Variants in RAB39A observed in about 807,000 individuals in gnomAD.
The protein encoded by RAB39A is ras-related protein Rab-39A.
RAB39A carries 17 observed loss-of-function variants against 20.9 expected under a neutral mutation model. The ratio of observed to expected loss-of-function variants is 0.81; its 90% CI spans 0.56 to 1.22. The LOEUF is 1.22. RAB39A is among the 50% of genes most tolerant of loss of function. RAB39A has a pLI of 0.00. For synonymous variants in RAB39A, 99 were observed against 103.4 expected, an observed-to-expected ratio of 0.96 and a Z score of 0.26; for missense variants, 234 against 270.5, an observed-to-expected ratio of 0.87 and a Z score of 0.95.
chr11:107,959,944 G>A (rs562227756), intron 1 of RAB39A, among the ~76,000 whole-genome samples: 1 of 152,310 alleles, frequency 6.6e-6, no homozygotes, highest in Admixed American at 6.5e-5. Flanking sequence ...GGCCGCGGTG[G>A]CTCACGCCTG....
chr11:107,932,133 G>A (rs1368541662), intron 1 of RAB39A, among the ~76,000 whole-genome samples: 2 of 152,018 alleles, frequency 1.3e-5, no homozygotes, highest in African/African-American at 2.4e-5. Flanking sequence ...AAAATGCTGG[G>A]ATTTCAAGCC....
At chr11:107,941,417 A>G (rs1195227911) in intron 1 of RAB39A, among the ~76,000 whole-genome samples, 1 of 152,180 alleles carries the variant, frequency 6.6e-6, no homozygotes. Context: ...TTATTCTCTC[A>G]TATGATTCTC....
rs1490395991 is a variant in RAB39A, at chr11:107,928,969, T to G, written c.227+174T>G. ...TTGCCCCTCCTCTTCCAGGGACGAC[T>G]TCCTCCTCCGCAATTTCTCACTTCT... is the stretch of plus-strand genomic sequence containing the variant. On this transcript the variant is annotated intron_variant, in intron 1 of 1. Transcript: ENST00000320578. This position sits in a 1 kb window ranked among gnomAD's most constrained non-coding sequence, Gnocchi z 4.9. Among the ~76,000 whole-genome samples, 1 of 151,988 alleles carries G rather than the reference T, an allele frequency of 6.6e-6. No homozygotes were observed. The highest frequency in any genetic ancestry group is 2.4e-5 in the African/African-American group (1 of 41,380).
Position 107,962,479 on chromosome 11 carries a change from A to G in RAB39A, c.*107A>G, listed in dbSNP as rs1395885625. On this transcript the variant is annotated 3_prime_UTR_variant, in exon 2 of 2. Coordinates refer to ENST00000320578, the MANE Select transcript of RAB39A (RefSeq NM_017516.3). ...AATGAAAGAATTTAAAAAGGTTACA[A>G]ACCCACACCAATACTATTTTATAAG... 9.8e-7 allele frequency: 1 copy of G among 1,020,634 alleles called. No individual in the cohort carries two copies. Among genetic ancestry groups the G allele is most frequent in the Non-Finnish European group, 1.4e-6 (1 of 712,378 alleles). 63.2% of individuals were successfully genotyped at this position (1,020,634 alleles called of 1,614,324 possible).
intron 1 of RAB39A, among the ~76,000 whole-genome samples, chr11:107,932,506 G>A (rs1220652715): frequency 1.3e-5 from 2 of 152,158 alleles, no homozygotes; most frequent in African/African-American, 4.8e-5. Context: ...TTCAGGGGAA[G>A]GAGAAAGAGC....
chr11:107,936,921 G>C (rs1391974194), intron 1 of RAB39A, among the ~76,000 whole-genome samples: 1 of 139,196 alleles, frequency 7.2e-6, no homozygotes, highest in Non-Finnish European at 1.5e-5. Context: ...GTGACAGAGC[G>C]AGACTCCCCC....
intron 1 of RAB39A, among the ~76,000 whole-genome samples, chr11:107,939,346 C>T (rs1029122663): frequency 1.3e-5 from 2 of 151,572 alleles, no homozygotes; most frequent in African/African-American, 4.8e-5. Context: ...GTGGCTCACG[C>T]CTGTAATCCC....
At chr11:107,954,006 A>G (rs1591248320) in intron 1 of RAB39A, among the ~76,000 whole-genome samples, 1 of 152,242 alleles carries the variant, frequency 6.6e-6, no homozygotes, top group East Asian at 1.9e-4. Flanking sequence ...ATCTGTGGCA[A>G]TGTGTAGGAT....
intron 1 of RAB39A, among the ~76,000 whole-genome samples, chr11:107,947,170 C>T (rs1029370602): frequency 2.0e-5 from 3 of 151,868 alleles, no homozygotes; most frequent in African/African-American, 7.3e-5. Context: ...GGCGTGATCT[C>T]GGCTCACTGC....
At chr11:107,950,033 A>G (rs1206278883) in intron 1 of RAB39A, among the ~76,000 whole-genome samples, 1 of 151,834 alleles carries the variant, frequency 6.6e-6, no homozygotes, top group Non-Finnish European at 1.5e-5. Context: ...AAAAAAAATT[A>G]GCCGGGCGTG....
At chr11:107,951,132 T>C (rs563791083) in intron 1 of RAB39A, among the ~76,000 whole-genome samples, 2 of 152,338 alleles carry the variant, frequency 1.3e-5, no homozygotes, top group African/African-American at 4.8e-5. Flanking sequence ...ATTGTTTGTA[T>C]GAAGAAAGAA....
chr11:107,929,632 T>C (rs1308853436), intron 1 of RAB39A, among the ~76,000 whole-genome samples: 2 of 152,132 alleles, frequency 1.3e-5, no homozygotes, highest in Admixed American at 1.3e-4. Context: ...GTGATAATAT[T>C]TCTAAAGACA....
At chr11:107,946,265 C>G (rs1040598613) in intron 1 of RAB39A, among the ~76,000 whole-genome samples, 14 of 144,780 alleles carry the variant, frequency 9.7e-5, no homozygotes, top group Admixed American at 2.1e-4. Context: ...TTAATTTTCT[C>G]TGAGAGATAA....
chr11:107,943,311 C>T (rs1223476229), intron 1 of RAB39A, among the ~76,000 whole-genome samples: 1 of 152,038 alleles, frequency 6.6e-6, no homozygotes, highest in Non-Finnish European at 1.5e-5. Flanking sequence ...GTGGCTCACA[C>T]CTGTAATCCC....
At chr11:107,929,010 T>C (rs1861111692) in intron 1 of RAB39A, among the ~76,000 whole-genome samples, 1 of 151,604 alleles carries the variant, frequency 6.6e-6, no homozygotes, top group South Asian at 2.1e-4. Flanking sequence ...TGGCGCCCAT[T>C]TCCTGCGCCC....
chr11:107,941,870 G>A (rs954806082), intron 1 of RAB39A, among the ~76,000 whole-genome samples: 5 of 151,980 alleles, frequency 3.3e-5, no homozygotes, highest in African/African-American at 1.2e-4. Flanking sequence ...AGGCTGAGGC[G>A]GGTGGATCAC....
intron 1 of RAB39A, among the ~76,000 whole-genome samples, chr11:107,952,164 A>G (rs1352302847): frequency 6.6e-6 from 1 of 152,266 alleles, no homozygotes; most frequent in African/African-American, 2.4e-5. Context: ...ATGTATAAGA[A>G]TGAACCTTGT....
At chr11:107,939,361 C>T (rs1254773107) in intron 1 of RAB39A, among the ~76,000 whole-genome samples, 1 of 150,630 alleles carries the variant, frequency 6.6e-6, no homozygotes, top group Non-Finnish European at 1.5e-5. Context: ...AATCCCAGCA[C>T]TTTGGGAGGC....
chr11:107,940,584 A>C (rs532011362), intron 1 of RAB39A, among the ~76,000 whole-genome samples: 1 of 152,212 alleles, frequency 6.6e-6, no homozygotes, highest in South Asian at 2.1e-4. Context: ...AATTCCTACA[A>C]GCTTATACTT....
Sources: allele counts gnomAD v4.1 joint callset (sites outside exome capture counted in the v4.1 genomes callset), GRCh38; gene constraint gnomAD v4.1.1; non-coding constraint Gnocchi (gnomAD v3.1); transcripts MANE v1.5; gene names NCBI Gene and HGNC (gene_info 2026-07-23, HGNC 2026-07-21).